XXYLT1: variants seen among roughly 807,000 people sequenced by gnomAD.
The protein encoded by XXYLT1 is UDP-xylose:alpha-xyloside alpha-1,3-xylosyltransferase.
In XXYLT1, 20 loss-of-function variants were observed where a neutral mutation model predicts 28.9. That is an observed-to-expected ratio of 0.69 (90% CI 0.49 to 1.00). The LOEUF is 1.00. Among genes scored for constraint, XXYLT1 ranks in the 50% least tolerant of loss-of-function variants. The pLI is 0.00. For missense variants in XXYLT1, 542 were observed against 560.1 expected (o/e 0.97, Z 0.33); for synonymous variants, 257 against 253.8 (o/e 1.01, Z -0.12).
chr3:195,161,727 C>T (rs1269216583), intron 2 of XXYLT1, among the ~76,000 whole-genome samples: 1 of 151,272 alleles, frequency 6.6e-6, no homozygotes, highest in Non-Finnish European at 1.5e-5. Flanking sequence ...CTCCGCCTCC[C>T]GGGTTCAAGC....
intron 3 of XXYLT1, among the ~76,000 whole-genome samples, chr3:195,071,402 T>G (rs6437454): frequency 0.26 from 39,978 of 152,172 alleles, 6,170 homozygotes; most frequent in East Asian, 0.62. Flanking sequence ...GGGCCACTTC[T>G]CAGCACCAGC....
intron 3 of XXYLT1, among the ~76,000 whole-genome samples, chr3:195,118,302 A>G (rs1718155408): frequency 6.6e-6 from 1 of 152,244 alleles, no homozygotes; most frequent in Non-Finnish European, 1.5e-5. Context: ...AAAACTCTGA[A>G]GGAGATACAG....
chr3:195,095,834 G>C (rs1357038983), intron 3 of XXYLT1: 1 of 152,214 alleles, frequency 6.6e-6, no homozygotes, highest in Non-Finnish European at 1.5e-5. Context: ...ACAGGGATGA[G>C]TAAGGTGCTT....
intron 2 of XXYLT1, among the ~76,000 whole-genome samples, chr3:195,163,941 T>C (rs570378757): frequency 2.9e-4 from 44 of 152,282 alleles, no homozygotes; most frequent in Non-Finnish European, 4.7e-4. Flanking sequence ...TGAGGCAGAC[T>C]GTTTAAGCAT....
intron 2 of XXYLT1, among the ~76,000 whole-genome samples, chr3:195,190,889 T>C (rs1722392918): frequency 6.6e-6 from 1 of 151,984 alleles, no homozygotes; most frequent in Admixed American, 6.6e-5. Flanking sequence ...AAAATGACTT[T>C]AAAAATACAG....
chr3:195,143,065 C>T (rs4677812), intron 3 of XXYLT1, among the ~76,000 whole-genome samples: 3 of 151,976 alleles, frequency 2.0e-5, no homozygotes, highest in Non-Finnish European at 4.4e-5. Context: ...TTTCTGGACA[C>T]GAATTATGCT....
intron 1 of XXYLT1, among the ~76,000 whole-genome samples, chr3:195,263,609 G>A (rs529783857): frequency 1.2e-4 from 19 of 152,232 alleles, no homozygotes; most frequent in South Asian, 2.1e-4. Flanking sequence ...GGACTTCCCG[G>A]CCTCCAAAAC....
chr3:195,130,394 G>T (rs9841564), intron 3 of XXYLT1, among the ~76,000 whole-genome samples: 8,689 of 152,362 alleles, frequency 0.057, 361 homozygotes, highest in East Asian at 0.15. Flanking sequence ...AGGCAGAGAT[G>T]AGTGAAGATG....
intron 2 of XXYLT1, among the ~76,000 whole-genome samples, chr3:195,202,006 G>A (rs540107363): frequency 9.9e-5 from 15 of 152,166 alleles, no homozygotes; most frequent in Non-Finnish European, 1.6e-4. Flanking sequence ...GAGAAACCCC[G>A]TCTCTACTAA....
At chr3:195,151,612 A>AT (rs1720262558) in intron 3 of XXYLT1, among the ~76,000 whole-genome samples, 1 of 151,754 alleles carries the variant, frequency 6.6e-6, no homozygotes, top group Non-Finnish European at 1.5e-5. Context: ...AATTGTTTAG[A>AT]TAAACAATAA....
chr3:195,238,868 T>C (rs1392229528), intron 1 of XXYLT1, among the ~76,000 whole-genome samples: 1 of 152,224 alleles, frequency 6.6e-6, no homozygotes, highest in Non-Finnish European at 1.5e-5. Context: ...GGAAGGCCTC[T>C]GTGTTCACTA....
At chr3:195,136,794 T>G (rs924611355) in intron 3 of XXYLT1, among the ~76,000 whole-genome samples, 2 of 152,106 alleles carry the variant, frequency 1.3e-5, no homozygotes, top group South Asian at 2.1e-4. Flanking sequence ...TCAAAGGGCA[T>G]GGAGACTTCA....
At chr3:195,141,661 C>G (rs919338279) in intron 3 of XXYLT1, among the ~76,000 whole-genome samples, 1 of 152,200 alleles carries the variant, frequency 6.6e-6, no homozygotes, top group African/African-American at 2.4e-5. Context: ...ACTCCATTAG[C>G]CTTTGAGCAA....
intron 3 of XXYLT1, among the ~76,000 whole-genome samples, chr3:195,107,289 G>A (rs1577032961): frequency 6.6e-6 from 1 of 151,452 alleles, no homozygotes; most frequent in African/African-American, 2.4e-5. Context: ...GCCTGACCAA[G>A]ATGGCGAAAC....
At chr3:195,261,491 G>A (rs1725699498) in intron 1 of XXYLT1, among the ~76,000 whole-genome samples, 1 of 152,068 alleles carries the variant, frequency 6.6e-6, no homozygotes, top group African/African-American at 2.4e-5. Flanking sequence ...AAGGGGAGGG[G>A]AGGGGAACAA....
chr3:195,209,266 C>T lies in XXYLT1; in HGVS notation c.652+17443G>A, dbSNP rs1723205120. On this transcript the variant is annotated intron_variant, in intron 2 of 3. Transcript: ENST00000310380. The surrounding 1 kb of genome is among the most constrained non-coding windows in gnomAD (Gnocchi z 5.0). Reference sequence around the variant, plus strand: ...GGGTTAAGGCAGAGGAGACCTACGCCAGGTCCCCGGAGACAAGCCGCTCTC... The same window carrying T: ...GGGTTAAGGCAGAGGAGACCTACGCTAGGTCCCCGGAGACAAGCCGCTCTC... 6.6e-6 allele frequency: 1 copy of T among 152,326 alleles called. No individual in the cohort carries two copies. The highest frequency in any genetic ancestry group is 1.5e-5 in the Non-Finnish European group (1 of 68,122). 9.4% of individuals were successfully genotyped at this position (152,326 alleles called of 1,614,324 possible).
At chr3:195,135,544 C>G (rs1205563856) in intron 3 of XXYLT1, among the ~76,000 whole-genome samples, 1 of 152,218 alleles carries the variant, frequency 6.6e-6, no homozygotes, top group Non-Finnish European at 1.5e-5. Flanking sequence ...CTCCACACTT[C>G]CCTGGAGAAC....
chr3:195,097,566 A>C (rs79215549), intron 3 of XXYLT1, among the ~76,000 whole-genome samples: 18,324 of 152,212 alleles, frequency 0.12, 1,599 homozygotes, highest in East Asian at 0.43. Context: ...ACTGAGGCTT[A>C]CAAGGGTTAA....
chr3:195,194,780 C>A (rs1226316249), intron 2 of XXYLT1, among the ~76,000 whole-genome samples: 1 of 152,068 alleles, frequency 6.6e-6, no homozygotes, highest in Non-Finnish European at 1.5e-5. Flanking sequence ...TCAAGAACAA[C>A]ATTATGCTAA....
Sources: gnomAD v4.1 joint callset for allele counts (sites outside exome capture counted in the v4.1 genomes callset) on GRCh38, gnomAD v4.1.1 for gene constraint, Gnocchi (gnomAD v3.1) non-coding constraint, MANE v1.5 for transcripts, NCBI Gene and HGNC (gene_info 2026-07-23, HGNC 2026-07-21) for gene names.